The following HECW2 variants were observed in gnomAD, a reference collection of about 807,000 sequenced individuals.
The protein encoded by HECW2 is E3 ubiquitin-protein ligase HECW2.
HECW2 carries 61 observed loss-of-function variants against 175.2 expected under a neutral mutation model. The observed-to-expected ratio is 0.35, with a 90% CI of 0.28 to 0.43. HECW2 has a LOEUF of 0.43. Among genes scored for constraint, HECW2 ranks in the 20% least tolerant of loss-of-function variants. HECW2 has a pLI of 1.00. For synonymous variants in HECW2, 671 were observed against 731.0 expected, an observed-to-expected ratio of 0.92 and a Z score of 1.32; for missense variants, 1,524 against 2,000.5, an observed-to-expected ratio of 0.76 and a Z score of 4.54.
intron 2 of HECW2, among the ~76,000 whole-genome samples, chr2:196,366,009 C>CA (rs2105893100): frequency 6.6e-6 from 1 of 152,294 alleles, no homozygotes; most frequent in East Asian, 1.9e-4. Context: ...AGCTTCCCCC[C>CA]ACAATAACTA....
At chr2:196,202,920 A>G (rs1044915709) in intron 28 of HECW2, among the ~76,000 whole-genome samples, 1 of 152,220 alleles carries the variant, frequency 6.6e-6, no homozygotes, top group Non-Finnish European at 1.5e-5. Context: ...AAATTCATTT[A>G]CGTTTCACAT....
At chr2:196,265,681 T>C (rs371145820) in intron 17 of HECW2, among the ~76,000 whole-genome samples, 6 of 152,232 alleles carry the variant, frequency 3.9e-5, no homozygotes, top group African/African-American at 1.4e-4. Context: ...ACACTACTAA[T>C]ATAATATTGA....
At position 196,319,210 on chromosome 2, in the gene HECW2, A is replaced by T. The variant is rs1691838036; in HGVS notation, c.1680T>A (p.Ala560=). Residue 560 remains alanine, a synonymous_variant, in exon 9 of 29, where the codon GCT becomes GCA. Coordinates refer to ENST00000644978, the MANE Select transcript of HECW2 (RefSeq NM_001348768.2). Reference sequence around the variant, plus strand: ...CACACAGTTCAGCACTGCCCTGGTCAGCACTGGGTTGAGGCTCTGGGCCGC... The same window carrying T: ...CACACAGTTCAGCACTGCCCTGGTCTGCACTGGGTTGAGGCTCTGGGCCGC... ...GEGGPEPQPS[A]DQGSAELCGS... 6.3e-7 allele frequency: 1 copy of T among 1,595,876 alleles called. No individual in the cohort carries two copies. Among genetic ancestry groups the T allele is most frequent in the Non-Finnish European group, 8.5e-7 (1 of 1,171,210 alleles).
chr2:196,377,670 A>C (rs1694090110), intron 2 of HECW2, among the ~76,000 whole-genome samples: 1 of 152,270 alleles, frequency 6.6e-6, no homozygotes, highest in African/African-American at 2.4e-5. Context: ...TTGGGTGGGA[A>C]CATAGCCAAA....
chr2:196,324,986 G>A lies in HECW2; in HGVS notation c.735C>T (p.His245=), dbSNP rs368401718. 8.3e-6 allele frequency: 13 copies of A among 1,573,386 alleles called. No homozygotes were observed. Among genetic ancestry groups the A allele is most frequent in the Non-Finnish European group, 1.0e-5 (12 of 1,164,104 alleles). Residue 245 remains histidine (H), a synonymous_variant, in exon 6 of 29, where the codon CAC becomes CAT. Coordinates refer to ENST00000644978, the MANE Select transcript of HECW2 (RefSeq NM_001348768.2). Reference sequence around the variant, plus strand: ...CCCCCGAGGATCATCTTACCTCTCGGTGCCAAATTGGATTGGTGGTGTTAC... The same window carrying A: ...CCCCCGAGGATCATCTTACCTCTCGATGCCAAATTGGATTGGTGGTGTTAC... The part of the protein sequence containing the change: ...IISNTTNPIW[H]REKYSFFALL...
chr2:196,358,429 G>T (rs551463252), intron 2 of HECW2, among the ~76,000 whole-genome samples: 22 of 151,586 alleles, frequency 1.5e-4, no homozygotes, highest in African/African-American at 5.3e-4. Context: ...CAAAAAATTA[G>T]CTGGGCATGG....
intron 1 of HECW2, among the ~76,000 whole-genome samples, chr2:196,472,166 T>C (rs1170749875): frequency 6.6e-6 from 1 of 151,992 alleles, no homozygotes; most frequent in Non-Finnish European, 1.5e-5. Flanking sequence ...ATATATTGTA[T>C]GTAGGTACTG....
rs1157017094 is a variant in HECW2 at position 196,199,004 on chromosome 2, TAA to T, written c.*2271_*2272del. On this transcript the variant is annotated 3_prime_UTR_variant, in exon 29 of 29. Transcript: ENST00000644978. ...AAGAAATATATTTGTTAGAAATAATTAAAGAGATACATTTTATTTCAAATATC... is the reference window on the plus strand; with the variant it reads ...AAGAAATATATTTGTTAGAAATAATTAGAGATACATTTTATTTCAAATATC... The T allele has an allele frequency of 6.6e-6, 1 of 152,196 alleles. No homozygotes were observed. The highest frequency in any genetic ancestry group is 2.4e-5 in the African/African-American group (1 of 41,460). 9.4% of individuals were successfully genotyped at this position (152,196 alleles called of 1,614,324 possible). A position where few individuals can be genotyped will look rare whatever the true frequency, so the allele number is the denominator to read the frequency against.
intron 2 of HECW2, among the ~76,000 whole-genome samples, chr2:196,369,701 C>T (rs1391641037): frequency 1.3e-5 from 2 of 152,128 alleles, no homozygotes; most frequent in Non-Finnish European, 2.9e-5. Flanking sequence ...ACTTGATGTT[C>T]TATTCCACTG....
chr2:196,520,434 C>T (rs1031474298), intron 1 of HECW2, among the ~76,000 whole-genome samples: 4 of 152,078 alleles, frequency 2.6e-5, no homozygotes, highest in African/African-American at 7.2e-5. Context: ...TTGCAATTGC[C>T]GCAGGAAAAA....
intron 1 of HECW2, among the ~76,000 whole-genome samples, chr2:196,445,360 A>C (rs948869597): frequency 6.6e-6 from 1 of 152,236 alleles, no homozygotes; most frequent in African/African-American, 2.4e-5. Flanking sequence ...TCCATTACAG[A>C]AAAATGACAC....
At chr2:196,378,156 C>G (rs1393993390) in intron 2 of HECW2, among the ~76,000 whole-genome samples, 2 of 152,124 alleles carry the variant, frequency 1.3e-5, no homozygotes, top group Non-Finnish European at 1.5e-5. Flanking sequence ...AGTCAGATTC[C>G]TAAGTTTAAA....
chr2:196,279,880 A>T (rs1389487537), intron 14 of HECW2, among the ~76,000 whole-genome samples: 1 of 152,222 alleles, frequency 6.6e-6, no homozygotes, highest in Admixed American at 6.5e-5. Context: ...CATGTCTGTC[A>T]TGATCACTGC....
intron 1 of HECW2, among the ~76,000 whole-genome samples, chr2:196,578,558 G>C (rs1429795511): frequency 6.6e-6 from 1 of 151,986 alleles, no homozygotes; most frequent in Non-Finnish European, 1.5e-5. Context: ...TCACACCAAG[G>C]TACATCATAG....
intron 2 of HECW2, among the ~76,000 whole-genome samples, chr2:196,369,651 T>C (rs1253734241): frequency 6.6e-6 from 1 of 152,074 alleles, no homozygotes; most frequent in Non-Finnish European, 1.5e-5. Flanking sequence ...AAAGATGCCA[T>C]CAAGGAACCA....
At chr2:196,333,698 A>AT (rs1239073387) in intron 4 of HECW2, among the ~76,000 whole-genome samples, 2 of 152,246 alleles carry the variant, frequency 1.3e-5, no homozygotes, top group African/African-American at 2.4e-5. Flanking sequence ...GTAGCTGTGT[A>AT]TTGTGAGACT....
In HECW2 at chr2:196,253,924, C is replaced by T. The variant is rs771364114; in HGVS notation, c.3525G>A (p.Ser1175=). The T allele has an allele frequency of 3.6e-5, 58 of 1,613,434 alleles. No homozygotes were observed. The highest frequency in any genetic ancestry group is 1.9e-4 in the African/African-American group (14 of 74,874). ...GTGAGCAGCAGGTGGACTCACCTGG[C>T]GAGTTCTGAGGAGATGACACGGGAG... The part of the protein sequence containing the change: ...RGSPVSSPQN[S]PGTQRANARA... The change falls in exon 19 of 29, where the codon TCG becomes TCA. Residue 1175 remains serine (S), a synonymous_variant. Coordinates refer to ENST00000644978, the MANE Select transcript of HECW2 (RefSeq NM_001348768.2).
intron 2 of HECW2, among the ~76,000 whole-genome samples, chr2:196,370,920 G>A (rs1233202397): frequency 6.6e-6 from 1 of 152,188 alleles, no homozygotes; most frequent in African/African-American, 2.4e-5. Flanking sequence ...TGCAGTGTCA[G>A]CAATGAAAAA....
intron 2 of HECW2, among the ~76,000 whole-genome samples, chr2:196,376,857 G>A (rs1228353453): frequency 1.3e-5 from 2 of 151,774 alleles, no homozygotes; most frequent in Admixed American, 6.6e-5. Flanking sequence ...TCTCGAACCC[G>A]GGAGGTGGAG....
Sources: gnomAD v4.1 joint callset for allele counts (sites outside exome capture counted in the v4.1 genomes callset) on GRCh38, gnomAD v4.1.1 for gene constraint, MANE v1.5 for transcripts, NCBI Gene and HGNC (gene_info 2026-07-23, HGNC 2026-07-21) for gene names.